The following TENM4 variants were observed in gnomAD, a reference collection of about 807,000 sequenced individuals.
TENM4 encodes teneurin-4.
TENM4 carries 82 observed loss-of-function variants against 243.3 expected under a neutral mutation model. That is an observed-to-expected ratio of 0.34 (90% CI 0.28 to 0.40). The LOEUF is 0.40. TENM4 is among the 10% of genes least tolerant of loss of function. The pLI is 1.00. For synonymous variants in TENM4, 1,412 were observed against 1,456.3 expected, an observed-to-expected ratio of 0.97 and a Z score of 0.69; for missense variants, 3,138 against 3,673.3, an observed-to-expected ratio of 0.85 and a Z score of 3.77.
chr11:78,833,878 T>C (rs1469729825), intron 12 of TENM4, among the ~76,000 whole-genome samples: 1 of 152,220 alleles, frequency 6.6e-6, no homozygotes, highest in East Asian at 1.9e-4. Context: ...GTTATTCATC[T>C]TCAGGCTCTT....
chr11:79,366,099 G>A (rs1256344251), intron 1 of TENM4, among the ~76,000 whole-genome samples: 1 of 152,134 alleles, frequency 6.6e-6, no homozygotes, highest in East Asian at 1.9e-4. Context: ...AAAACAGTCT[G>A]CAAAACAGGC....
intron 3 of TENM4, among the ~76,000 whole-genome samples, chr11:79,168,994 C>T (rs1399728163): frequency 1.3e-5 from 2 of 152,206 alleles, no homozygotes; most frequent in Non-Finnish European, 2.9e-5. Flanking sequence ...AATCAGCCTT[C>T]AGCTGATCCA....
intron 6 of TENM4, among the ~76,000 whole-genome samples, chr11:78,951,721 C>T (rs1425517717): frequency 6.6e-6 from 1 of 152,080 alleles, no homozygotes; most frequent in Non-Finnish European, 1.5e-5. Flanking sequence ...CTGATCAGGG[C>T]TCTACCCTTA....
In TENM4 at chr11:79,438,904, C is replaced by A. The variant is rs1859336061; in HGVS notation, c.-321+1605G>T. The A allele has an allele frequency of 2.0e-5, 3 of 152,086 alleles. No individual in the cohort carries two copies. In the South Asian group the frequency reaches 6.2e-4, roughly 31 times the overall value. 9.4% of individuals were successfully genotyped at this position (152,086 alleles called of 1,614,324 possible). On this transcript the variant is annotated intron_variant, in intron 1 of 33. Coordinates refer to ENST00000278550, the MANE Select transcript of TENM4 (RefSeq NM_001098816.3). The surrounding 1 kb of genome is among the most constrained non-coding windows in gnomAD (Gnocchi z 4.1). ...CGACGCCCATCGCACAAGTGGGCGC[C>A]GTGGTGCGAGGCGTATCCTAGCTAC...
At chr11:78,707,824 A>C (rs906086540) in intron 27 of TENM4, among the ~76,000 whole-genome samples, 2 of 152,230 alleles carry the variant, frequency 1.3e-5, no homozygotes, top group Non-Finnish European at 2.9e-5. Context: ...GATGTGAATT[A>C]TTTCCATTTC....
intron 6 of TENM4, among the ~76,000 whole-genome samples, chr11:78,948,944 GTACATCT>G (rs1857061623): frequency 6.6e-6 from 1 of 152,200 alleles, no homozygotes; most frequent in Non-Finnish European, 1.5e-5. Context: ...GTGATGAGAC[GTACATCT>G]TACTGCGTCA....
intron 32 of TENM4, among the ~76,000 whole-genome samples, chr11:78,664,707 T>C (rs1590922252): frequency 6.6e-6 from 1 of 152,224 alleles, no homozygotes; most frequent in Admixed American, 6.5e-5. Context: ...TTTGATTCTA[T>C]AAATCATGGC....
chr11:78,784,094 T>G (rs752369554), intron 16 of TENM4, among the ~76,000 whole-genome samples: 1 of 152,178 alleles, frequency 6.6e-6, no homozygotes, highest in East Asian at 1.9e-4. Context: ...GTATGGGAAA[T>G]AACTATTGCA....
chr11:79,439,389 C>A (rs1859348211), intron 1 of TENM4, among the ~76,000 whole-genome samples: 1 of 152,022 alleles, frequency 6.6e-6, no homozygotes, highest in Non-Finnish European at 1.5e-5. Flanking sequence ...GGGCTCTGCA[C>A]CCAACTGAGC....
At chr11:78,667,026 G>A (rs1028806575) in intron 32 of TENM4, among the ~76,000 whole-genome samples, 3 of 152,116 alleles carry the variant, frequency 2.0e-5, no homozygotes, top group African/African-American at 7.2e-5. Flanking sequence ...ACATCTCACA[G>A]GAAACTCATT....
rs571223795 is a variant in TENM4, at chr11:79,056,630, T to G, written c.493+8108A>C. Among the ~76,000 whole-genome samples, 108 of 152,096 alleles carry G rather than the reference T, an allele frequency of 7.1e-4. 1 individual carries two copies. In the South Asian group the frequency reaches 0.02, roughly 28 times the overall value. ...TTATGGCTTAAAGGGAAGCTGAGAT[T>G]GTATCAAAAAATGATGGTTCCAAGA... is the stretch of plus-strand genomic sequence containing the variant. On this transcript the variant is annotated intron_variant, in intron 6 of 33. Coordinates refer to ENST00000278550, the MANE Select transcript of TENM4 (RefSeq NM_001098816.3).
chr11:78,773,912 T>C (rs2136001548), intron 17 of TENM4, among the ~76,000 whole-genome samples: 1 of 152,350 alleles, frequency 6.6e-6, no homozygotes. Flanking sequence ...GTTCAGATCT[T>C]GATTTTCTAG....
At chr11:79,315,511 T>C (rs1856788793) in intron 1 of TENM4, among the ~76,000 whole-genome samples, 1 of 152,146 alleles carries the variant, frequency 6.6e-6, no homozygotes, top group Non-Finnish European at 1.5e-5. Context: ...CAGGCACAGG[T>C]TTGCCTCCTG....
intron 1 of TENM4, among the ~76,000 whole-genome samples, chr11:79,415,226 G>A (rs1026380135): frequency 3.9e-5 from 6 of 152,212 alleles, no homozygotes; most frequent in African/African-American, 1.4e-4. Flanking sequence ...TGGGATCTGT[G>A]AAATTAAAGC....
At chr11:79,039,732 A>G (rs1859470773) in intron 6 of TENM4, among the ~76,000 whole-genome samples, 1 of 152,204 alleles carries the variant, frequency 6.6e-6, no homozygotes, top group African/African-American at 2.4e-5. Context: ...GCAAATCACC[A>G]TGGCACGTGT....
chr11:78,818,840 T>C (rs1248949477), intron 12 of TENM4, among the ~76,000 whole-genome samples: 1 of 152,138 alleles, frequency 6.6e-6, no homozygotes, highest in Non-Finnish European at 1.5e-5. Context: ...TAGATCTGCT[T>C]GGATCCAAAT....
In TENM4 at chr11:79,174,572, C is replaced by T. The variant is rs79153875; in HGVS notation, c.-162-25766G>A. On this transcript the variant is annotated intron_variant, in intron 3 of 33. Coordinates refer to ENST00000278550, the MANE Select transcript of TENM4 (RefSeq NM_001098816.3). ...GTGCCCTGCAAGGCTGCTCTTTAAC[C>T]ACTGGGTCAACTGGGCTCTCTCTGG... Among the ~76,000 whole-genome samples, 47 of 152,262 alleles carry T rather than the reference C, an allele frequency of 3.1e-4. No homozygotes were observed. In the East Asian group the frequency reaches 8.5e-3, roughly 28 times the overall value.
intron 24 of TENM4, 40 bp downstream of exon 24, chr11:78,722,628 A>G (rs1315604388): frequency 1.3e-6 from 2 of 1,593,228 alleles, no homozygotes; most frequent in Non-Finnish European, 8.6e-7. Context: ...TGGCAAAGGC[A>G]TATTATTAGG....
intron 12 of TENM4, among the ~76,000 whole-genome samples, chr11:78,828,911 G>T (rs1251780659): frequency 6.6e-6 from 1 of 152,218 alleles, no homozygotes; most frequent in Non-Finnish European, 1.5e-5. Context: ...CTCCAGCCTG[G>T]GCCTGGCCTA....
Sources: gnomAD v4.1 joint callset for allele counts (sites outside exome capture counted in the v4.1 genomes callset) on GRCh38, gnomAD v4.1.1 for gene constraint, Gnocchi (gnomAD v3.1) non-coding constraint, MANE v1.5 for transcripts, NCBI Gene and HGNC (gene_info 2026-07-23, HGNC 2026-07-21) for gene names.